Variants in MTMR3 observed in about 807,000 individuals in gnomAD.
MTMR3 encodes the protein myotubularin related protein 3.
A neutral mutation model predicts 132.4 loss-of-function variants in MTMR3; 32 were observed. That is an observed-to-expected ratio of 0.24 (90% CI 0.18 to 0.32). The LOEUF is 0.32. Among genes scored for constraint, MTMR3 ranks in the 10% least tolerant of loss-of-function variants. The probability of loss-of-function intolerance (pLI) is 1.00; values close to 1 mark genes in which losing one functional copy is unlikely to be tolerated. For synonymous variants in MTMR3, 556 were observed against 550.3 expected (o/e 1.01, Z -0.14); for missense variants, 1,216 against 1,489.6 (o/e 0.82, Z 3.02).
intron 1 of MTMR3, among the ~76,000 whole-genome samples, chr22:29,898,036 C>T (rs2064936533): frequency 6.6e-6 from 1 of 151,994 alleles, no homozygotes; most frequent in Non-Finnish European, 1.5e-5. Flanking sequence ...AGTACAGAGG[C>T]ACAATCTTGG....
chr22:29,908,182 A>G (rs943506811), intron 1 of MTMR3, among the ~76,000 whole-genome samples: 1 of 152,198 alleles, frequency 6.6e-6, no homozygotes, highest in South Asian at 2.1e-4. Context: ...ACCGTGGTGG[A>G]AGCTTTCCTT....
At chr22:29,963,471 C>T (rs2066354595) in intron 2 of MTMR3, among the ~76,000 whole-genome samples, 1 of 149,680 alleles carries the variant, frequency 6.7e-6, no homozygotes, top group Non-Finnish European at 1.5e-5. Context: ...CTCACTGCAA[C>T]CTCTGTCTCT....
chr22:29,944,847 GTTTACT>G (rs1346470498), intron 1 of MTMR3, among the ~76,000 whole-genome samples: 2 of 152,056 alleles, frequency 1.3e-5, no homozygotes, highest in African/African-American at 4.8e-5. Context: ...TTTTAGAAAT[GTTTACT>G]TTTATATTTG....
At chr22:29,891,302 C>G (rs901197656) in intron 1 of MTMR3, among the ~76,000 whole-genome samples, 1 of 144,314 alleles carries the variant, frequency 6.9e-6, no homozygotes, top group African/African-American at 2.5e-5. Context: ...TGGAGGTATG[C>G]GTGTGCGTGT....
intron 1 of MTMR3, among the ~76,000 whole-genome samples, chr22:29,906,278 G>GTCTA (rs1473660646): frequency 2.0e-3 from 135 of 68,316 alleles, no homozygotes; most frequent in African/African-American, 3.2e-3. Context: ...CTGTCTGTCT[G>GTCTA]TCTGTCTGTC....
At chr22:29,920,519 AATGTT>A (rs1229438035) in intron 1 of MTMR3, among the ~76,000 whole-genome samples, 4 of 152,146 alleles carry the variant, frequency 2.6e-5, no homozygotes, top group Admixed American at 6.6e-5. Context: ...AGAATATTTG[AATGTT>A]ATGTTATATT....
At chr22:29,990,100 G>A (rs557273472) in intron 6 of MTMR3, 3 of 152,430 alleles carry the variant, frequency 2.0e-5, no homozygotes, top group African/African-American at 7.2e-5. Flanking sequence ...GGGTGTGGTG[G>A]TGCACGCCTG....
rs1385861932 is a variant in MTMR3 at position 30,029,366 on chromosome 22, G to A, written c.*3565G>A. 6.6e-6 allele frequency: 1 copy of A among 152,332 alleles called. No homozygotes were observed. The highest frequency in any genetic ancestry group is 1.5e-5 in the Non-Finnish European group (1 of 68,036). The allele number at this position is 152,332 out of a possible 1,614,324, so 9.4% of individuals were successfully genotyped here. On this transcript the variant is annotated 3_prime_UTR_variant, in exon 20 of 20. Coordinates refer to ENST00000401950, the MANE Select transcript of MTMR3 (RefSeq NM_021090.4). ...CTGAGATTCTCTATGAGGATGTACA[G>A]AAAAGTTTTCCTGTAATAATTTTGC... is the stretch of plus-strand genomic sequence containing the variant.
At chr22:29,896,480 A>G (rs901371989) in intron 1 of MTMR3, among the ~76,000 whole-genome samples, 1 of 152,114 alleles carries the variant, frequency 6.6e-6, no homozygotes, top group Admixed American at 6.6e-5. Flanking sequence ...CTGGCCGGCC[A>G]CTACACTCCT....
rs867971127 is a variant in MTMR3, at chr22:29,921,841, C to T, written c.-137-35195C>T. On this transcript the variant is annotated intron_variant, in intron 1 of 19. Transcript: ENST00000401950. The stretch of plus-strand genomic sequence containing the variant: ...TAATGTCTTTAAGGTACATCCATGT[C>T]TTTTTTTTTTTTCTTTTTTTTTTTT... 4.6e-3 allele frequency among the ~76,000 whole-genome samples: 642 copies of T among 139,732 alleles called. 6 individuals are homozygous for T. Among genetic ancestry groups the T allele is most frequent in the African/African-American group, 0.016 (603 of 38,122 alleles). 91.7% of individuals were successfully genotyped at this position (139,732 alleles called of 152,430 possible). A position where few individuals can be genotyped will look rare whatever the true frequency, so the allele number is the denominator to read the frequency against.
chr22:29,980,914 T>G (rs1302477431), intron 5 of MTMR3: 1 of 152,202 alleles, frequency 6.6e-6, no homozygotes, highest in African/African-American at 2.4e-5. Context: ...GATCACAGCT[T>G]CCCTCCTTTC....
chr22:30,019,216 AAAG>A, intron 16 of MTMR3: 1 of 362,432 alleles, frequency 2.8e-6, no homozygotes. Context: ...AAAAAAAAAA[AAAG>A]AAAATAGCAC....
At chr22:29,966,588 C>T (rs943776201) in intron 2 of MTMR3, among the ~76,000 whole-genome samples, 11 of 152,142 alleles carry the variant, frequency 7.2e-5, no homozygotes, top group African/African-American at 2.7e-4. Context: ...CTTCCCTCAT[C>T]AACTACTTCA....
Position 30,029,294 on chromosome 22 carries a change from G to C in MTMR3, c.*3493G>C, listed in dbSNP as rs1036712537. 1 of 152,254 alleles carries C rather than the reference G, an allele frequency of 6.6e-6. No homozygotes were observed. Among genetic ancestry groups the C allele is most frequent in the African/African-American group, 2.4e-5 (1 of 41,400 alleles). The allele number at this position is 152,254 out of a possible 1,614,324, so 9.4% of individuals were successfully genotyped here. On this transcript the variant is annotated 3_prime_UTR_variant, in exon 20 of 20. Transcript: ENST00000401950. ...TCTCGTTACCTTTCTTCTATACCTT[G>C]GCCTCTGTAACTGCAGTCCAAAACA... is the stretch of plus-strand genomic sequence containing the variant.
intron 7 of MTMR3, chr22:29,995,889 A>G (rs902313472): frequency 2.0e-5 from 3 of 152,256 alleles, no homozygotes; most frequent in African/African-American, 7.2e-5. Context: ...CAAATAGGTT[A>G]TGATCCAGTA....
At chr22:29,970,946 C>CTTTT in intron 2 of MTMR3, 30 bp from the exon 3 acceptor site, 1 of 297,394 alleles carries the variant, frequency 3.4e-6, no homozygotes. Context: ...TTTTTTTTTT[C>CTTTT]TTCTTCCCCC....
intron 1 of MTMR3, among the ~76,000 whole-genome samples, chr22:29,930,320 T>C (rs1024456879): frequency 1.3e-5 from 2 of 152,196 alleles, no homozygotes; most frequent in African/African-American, 2.4e-5. Flanking sequence ...TCCATCACTA[T>C]AGGTTAGTTT....
intron 1 of MTMR3, among the ~76,000 whole-genome samples, chr22:29,938,146 A>C (rs575976074): frequency 1.3e-5 from 2 of 152,060 alleles, no homozygotes; most frequent in South Asian, 4.2e-4. Flanking sequence ...ACCCACCAGC[A>C]CCATGCAGTT....
Position 30,028,292 on chromosome 22 carries a change from T to C in MTMR3, c.*2491T>C, listed in dbSNP as rs2067949018. ...GGTGAGAAAATGCTTCTGCCTGTTGTTCTTGAAGGATAGACTATGGGTGGG... is the reference window on the plus strand; with the variant it reads ...GGTGAGAAAATGCTTCTGCCTGTTGCTCTTGAAGGATAGACTATGGGTGGG... On this transcript the variant is annotated 3_prime_UTR_variant, in exon 20 of 20. Transcript: ENST00000401950. 1 of 152,418 alleles carries C rather than the reference T, an allele frequency of 6.6e-6. No homozygotes were observed. The highest frequency in any genetic ancestry group is 1.5e-5 in the Non-Finnish European group (1 of 68,120). 9.4% of individuals were successfully genotyped at this position (152,418 alleles called of 1,614,324 possible). A position where few individuals can be genotyped will look rare whatever the true frequency, so the allele number is the denominator to read the frequency against.
Sources: gnomAD v4.1 joint callset for allele counts (sites outside exome capture counted in the v4.1 genomes callset) on GRCh38, gnomAD v4.1.1 for gene constraint, MANE v1.5 for transcripts, NCBI Gene and HGNC (gene_info 2026-07-23, HGNC 2026-07-21) for gene names.